The following C8orf88 variants were observed in gnomAD, a reference collection of about 807,000 sequenced individuals.
C8orf88 encodes uncharacterized protein C8orf88.
C8orf88 carries 14 observed loss-of-function variants against 18.4 expected under a neutral mutation model. The observed-to-expected ratio is 0.76, with a 90% CI of 0.50 to 1.19. The LOEUF (loss-of-function observed/expected upper bound fraction) is 1.19, where lower values mean the gene tolerates loss of function less well. C8orf88 is among the 50% of genes most tolerant of loss of function. C8orf88 has a pLI of 0.00. For synonymous variants in C8orf88, 45 were observed against 42.9 expected (o/e 1.05, Z -0.19); for missense variants, 116 against 134.7 (o/e 0.86, Z 0.69).
chr8:90,961,500 TG>T (rs77877743), intron 4 of C8orf88, among the ~76,000 whole-genome samples: 43,526 of 150,908 alleles, frequency 0.29, 7,243 homozygotes, highest in East Asian at 0.6. Flanking sequence ...TCATGTCCAG[TG>T]GGGGGGAAAA....
At chr8:90,961,785 G>GCC (rs1811131921) in intron 4 of C8orf88, among the ~76,000 whole-genome samples, 1 of 151,402 alleles carries the variant, frequency 6.6e-6, no homozygotes, top group South Asian at 2.1e-4. Flanking sequence ...ATAATATATA[G>GCC]ATGAAGGGTG....
At chr8:90,970,517 G>A (rs1021385259) in intron 4 of C8orf88, among the ~76,000 whole-genome samples, 2 of 151,994 alleles carry the variant, frequency 1.3e-5, no homozygotes, top group Admixed American at 1.3e-4. Context: ...TTTTGCTTCA[G>A]TAATAGAATT....
intron 4 of C8orf88, among the ~76,000 whole-genome samples, chr8:90,962,604 A>T (rs536451585): frequency 1.7e-4 from 26 of 150,792 alleles, no homozygotes; most frequent in African/African-American, 6.2e-4. Flanking sequence ...CAGATAGGCC[A>T]TGGCCTTGAA....
At chr8:90,966,414 T>G in intron 4 of C8orf88, among the ~76,000 whole-genome samples, 3 of 145,896 alleles carry the variant, frequency 2.1e-5, no homozygotes, top group East Asian at 4.3e-4. Flanking sequence ...GATGATGAGT[T>G]AGTGGGTGCA....
Position 90,958,790 on chromosome 8 carries a change from G to A in C8orf88, c.*217C>T, listed in dbSNP as rs1811079097. ...ACTAACCAAATTCCTACTTTCCAGT[G>A]TTACTTCCCAATTTATGCAGGAAAC... On this transcript the variant is annotated 3_prime_UTR_variant, in exon 6 of 6. Coordinates refer to ENST00000517562, the MANE Select transcript of C8orf88 (RefSeq NM_001190972.2). 1 of 405,514 alleles carries A rather than the reference G, an allele frequency of 2.5e-6. No individual in the cohort carries two copies. The highest frequency in any genetic ancestry group is 4.8e-5 in the Admixed American group (1 of 21,036). The allele number at this position is 405,514 out of a possible 1,614,324, so 25.1% of individuals were successfully genotyped here.
chr8:90,967,899 A>G (rs918018139), intron 4 of C8orf88, among the ~76,000 whole-genome samples: 1 of 151,808 alleles, frequency 6.6e-6, no homozygotes, highest in African/African-American at 2.4e-5. Flanking sequence ...TGAAAACTGT[A>G]AAATATTGCT....
intron 1 of C8orf88, 117 bp from the exon 2 acceptor site, chr8:90,980,578 A>C (rs937691238): frequency 2.0e-6 from 1 of 512,728 alleles, no homozygotes; most frequent in African/African-American, 2.0e-5. Flanking sequence ...AAAGTGGAAA[A>C]CACAAACACA....
At chr8:90,968,797 C>A (rs186984815) in intron 4 of C8orf88, among the ~76,000 whole-genome samples, 2,367 of 149,122 alleles carry the variant, frequency 0.016, 36 homozygotes, top group Non-Finnish European at 0.019. Context: ...TAACAAACAA[C>A]CCAGTTAAAA....
At chr8:90,975,649 T>C (rs1381073833) in intron 3 of C8orf88, among the ~76,000 whole-genome samples, 1 of 152,114 alleles carries the variant, frequency 6.6e-6, no homozygotes, top group Non-Finnish European at 1.5e-5. Context: ...CATTCTAATG[T>C]TGGCAAGGCT....
At chr8:90,983,341 G>A (rs1444334658) in intron 1 of C8orf88, among the ~76,000 whole-genome samples, 1 of 151,966 alleles carries the variant, frequency 6.6e-6, no homozygotes, top group Non-Finnish European at 1.5e-5. Context: ...TTTTTTTCAA[G>A]ATCACACACA....
rs1173845725 is a variant in C8orf88, at chr8:90,960,800, GA to G, written c.271del (p.Ser91ProfsTer46). The G allele has an allele frequency of 6.5e-7, 1 of 1,531,478 alleles. No individual in the cohort carries two copies. Among genetic ancestry groups the G allele is most frequent in the South Asian group, 1.2e-5 (1 of 83,888 alleles). 94.9% of individuals were successfully genotyped at this position (1,531,478 alleles called of 1,614,324 possible). A position where few individuals can be genotyped will look rare whatever the true frequency, so the allele number is the denominator to read the frequency against. On this transcript the variant is annotated frameshift_variant, in exon 5 of 6. Transcript: ENST00000517562. LOFTEE classifies it high-confidence loss of function. Reference sequence around the variant, plus strand: ...AAAGTCTGGTTTTTTTCTGCAGATGGAAACACTTGAGAGCTTCAACAGGAAA... The same window carrying G: ...AAAGTCTGGTTTTTTTCTGCAGATGGAACACTTGAGAGCTTCAACAGGAAA... ...RDFLLKLSSV[S>X]ICRKKPDFLP...
chr8:90,971,386 A>T (rs1222197584), intron 3 of C8orf88, among the ~76,000 whole-genome samples: 3 of 152,108 alleles, frequency 2.0e-5, no homozygotes, highest in African/African-American at 7.2e-5. Flanking sequence ...AAAACTAAAG[A>T]TGAATTTTAT....
At chr8:90,962,433 AAAC>A (rs1216609708) in intron 4 of C8orf88, among the ~76,000 whole-genome samples, 2 of 151,606 alleles carry the variant, frequency 1.3e-5, no homozygotes, top group African/African-American at 4.8e-5. Flanking sequence ...CACTCCACAA[AAAC>A]AACAAGTAAG....
intron 4 of C8orf88, among the ~76,000 whole-genome samples, chr8:90,970,633 G>A (rs369942370): frequency 2.0e-4 from 31 of 152,066 alleles, no homozygotes; most frequent in African/African-American, 4.6e-4. Context: ...TGCAACTTCC[G>A]GGTCATACTC....
intron 4 of C8orf88, among the ~76,000 whole-genome samples, chr8:90,969,459 AT>A (rs1196632372): frequency 1.3e-5 from 2 of 151,904 alleles, no homozygotes; most frequent in African/African-American, 4.8e-5. Context: ...AGTTATGAAA[AT>A]ATCACGTGCC....
intron 2 of C8orf88, among the ~76,000 whole-genome samples, chr8:90,979,075 G>C (rs980900873): frequency 2.0e-5 from 3 of 152,146 alleles, no homozygotes; most frequent in Non-Finnish European, 4.4e-5. Context: ...AGATGGCCAG[G>C]GAGTATGTAA....
rs931010538 is a variant in C8orf88, at chr8:90,978,243, T to C, written c.147+336A>G. Among the ~76,000 whole-genome samples the C allele has an allele frequency of 5.9e-5, 9 of 152,158 alleles. 1 individual carries two copies. The highest frequency in any genetic ancestry group is 5.9e-4 in the Admixed American group (9 of 15,278). The stretch of plus-strand genomic sequence containing the variant: ...AAAACAAATAAAACAATTATATTTA[T>C]CATAGCAAAAGTACAAATATATTCA... On this transcript the variant is annotated intron_variant, in intron 3 of 5. Coordinates refer to ENST00000517562, the MANE Select transcript of C8orf88 (RefSeq NM_001190972.2).
At chr8:90,967,238 A>T (rs1013832843) in intron 4 of C8orf88, among the ~76,000 whole-genome samples, 10 of 151,558 alleles carry the variant, frequency 6.6e-5, no homozygotes, top group African/African-American at 9.7e-5. Flanking sequence ...TGATATGTTG[A>T]CTCACCCTTG....
chr8:90,968,639 T>C (rs1272672612), intron 4 of C8orf88, among the ~76,000 whole-genome samples: 12 of 104,922 alleles, frequency 1.1e-4, no homozygotes, highest in Non-Finnish European at 2.2e-4. Context: ...CAATCTCCAG[T>C]AGAGAATGAA....
Sources: allele counts gnomAD v4.1 joint callset (sites outside exome capture counted in the v4.1 genomes callset), GRCh38; gene constraint gnomAD v4.1.1; transcripts MANE v1.5; gene names NCBI Gene and HGNC (gene_info 2026-07-23, HGNC 2026-07-21).